Variants in IL10RA observed in about 807,000 individuals in gnomAD.
IL10RA encodes the protein interleukin 10 receptor subunit alpha.
IL10RA carries 18 observed loss-of-function variants against 29.6 expected under a neutral mutation model. That is an observed-to-expected ratio of 0.61 (90% confidence interval 0.42 to 0.90). The LOEUF is 0.90. Ranked by LOEUF, IL10RA falls within the 40% of genes least tolerant of loss-of-function variation. IL10RA has a pLI of 0.00. For synonymous variants in IL10RA, 292 were observed against 294.1 expected (o/e 0.99, Z 0.07); for missense variants, 634 against 716.6 (o/e 0.88, Z 1.32).
chr11:117,986,549 C>T lies in IL10RA; in HGVS notation c.67+15C>T, dbSNP rs886047708. The T allele has an allele frequency of 6.4e-5, 99 of 1,551,664 alleles. 2 individuals are homozygous for T. The highest frequency in any genetic ancestry group is 8.2e-5 in the Non-Finnish European group (94 of 1,147,298). ...AGACGCTCATGGTAAGGCTCCGGGA[C>T]GCGGCCCTTCCCTGCCCTGCCCTCT... On this transcript the variant is annotated intron_variant, in intron 1 of 6. Coordinates refer to ENST00000227752, the MANE Select transcript of IL10RA (RefSeq NM_001558.4).
intron 6 of IL10RA, among the ~76,000 whole-genome samples, chr11:117,998,227 A>G (rs1248647108): frequency 6.6e-6 from 1 of 152,254 alleles, no homozygotes; most frequent in Non-Finnish European, 1.5e-5. Flanking sequence ...CTGGGATACA[A>G]TAGAATAAGA....
In IL10RA at chr11:117,989,518, G is replaced by C. The variant is rs1348770467; in HGVS notation, c.265G>C (p.Asp89His). The C allele has an allele frequency of 1.2e-6, 2 of 1,614,154 alleles. No individual in the cohort carries two copies. The highest frequency in any genetic ancestry group is 2.2e-5 in the South Asian group (2 of 91,088). The change falls in exon 3 of 7, where the codon GAC (aspartate) becomes CAC (histidine). Residue 89 changes from aspartate (D) to histidine (H), a missense_variant. Transcript: ENST00000227752. This position sits in a 1 kb window ranked among gnomAD's most constrained non-coding sequence, Gnocchi z 4.5. ...LSYDLTAVTL[D>H]LYHSNGYRAR... is the part of the protein sequence containing the mutation. ...CTATGACCTTACCGCAGTGACCTTGGACCTGTACCACAGCAATGGCTACCG... is the reference window on the plus strand; with the variant it reads ...CTATGACCTTACCGCAGTGACCTTGCACCTGTACCACAGCAATGGCTACCG...
At position 117,999,475 on chromosome 11, in the gene IL10RA, C is replaced by T. The variant is rs2058079403; in HGVS notation, c.1571C>T (p.Ser524Leu). ...GQWNQPTEEW[S>L]LLALSSCSDL... is the part of the protein sequence containing the mutation. ...TGGAACCAGCCCACTGAGGAATGGT[C>T]ACTCCTGGCCTTGAGCAGCTGCAGT... Residue 524 changes from serine to leucine, a missense_variant, in exon 7 of 7, where the codon TCA (serine) becomes TTA (leucine). Coordinates refer to ENST00000227752, the MANE Select transcript of IL10RA (RefSeq NM_001558.4). 4 of 1,614,200 alleles carry T rather than the reference C, an allele frequency of 2.5e-6. No individual in the cohort carries two copies. The highest frequency in any genetic ancestry group is 1.3e-5 in the African/African-American group (1 of 75,068).
chr11:117,988,069 C>T (rs1420038396), intron 1 of IL10RA: 1 of 426,028 alleles, frequency 2.3e-6, no homozygotes, highest in Admixed American at 3.5e-5. Context: ...ACTAACACAT[C>T]TGAGAGCTCA....
Position 118,000,274 on chromosome 11 carries a change from G to A in IL10RA, c.*633G>A. 1 of 454,226 alleles carries A rather than the reference G, an allele frequency of 2.2e-6. No homozygotes were observed. The highest frequency in any genetic ancestry group is 4.4e-6 in the Non-Finnish European group (1 of 226,790). 28.1% of individuals were successfully genotyped at this position (454,226 alleles called of 1,614,324 possible). A position where few individuals can be genotyped will look rare whatever the true frequency, so the allele number is the denominator to read the frequency against. ...AATGGATTCACTGAGGGGAGACAAA[G>A]GGAGCCGAGACCCTGGATGGGGCTT... On this transcript the variant is annotated 3_prime_UTR_variant, in exon 7 of 7. Coordinates refer to ENST00000227752, the MANE Select transcript of IL10RA (RefSeq NM_001558.4).
Position 117,999,723 on chromosome 11 carries a change from T to C in IL10RA, c.*82T>C, listed in dbSNP as rs552847009. On this transcript the variant is annotated 3_prime_UTR_variant, in exon 7 of 7. Transcript: ENST00000227752. ...GGAGGAGGGCCCCTGGGGCAGAAGT[T>C]AGGCACGAGGCAGTCTGGGCACTTT... 1 of 1,300,214 alleles carries C rather than the reference T, an allele frequency of 7.7e-7. No individual in the cohort carries two copies. Among genetic ancestry groups the C allele is most frequent in the African/African-American group, 1.5e-5 (1 of 68,806 alleles). 80.5% of individuals were successfully genotyped at this position (1,300,214 alleles called of 1,614,324 possible).
At chr11:117,986,809 G>A (rs2057989796) in intron 1 of IL10RA, 18 of 1,514,266 alleles carry the variant, frequency 1.2e-5, no homozygotes, top group Non-Finnish European at 1.4e-5. Flanking sequence ...ACTTCTAGAT[G>A]AGCCGTAAGT....
chr11:117,986,977 C>A, intron 1 of IL10RA: 3 of 569,280 alleles, frequency 5.3e-6, no homozygotes, highest in Non-Finnish European at 8.8e-6. Context: ...CACTGATCAC[C>A]CCGATCTGAT....
chr11:117,999,541 C>T lies in IL10RA; in HGVS notation c.1637C>T (p.Ala546Val). Residue 546 changes from alanine to valine, a missense_variant, in exon 7 of 7, where the codon GCC becomes GTC. Ala to Val is a moderately conservative substitution (Grantham distance 64, BLOSUM62 0). Coordinates refer to ENST00000227752, the MANE Select transcript of IL10RA (RefSeq NM_001558.4). ...GACTGGAGCTTTGCCCATGACCTTG[C>T]CCCTCTAGGCTGTGTGGCAGCCCCA... ...ISDWSFAHDLAPLGCVAAPGG... is the reference protein window; with the variant it reads ...ISDWSFAHDLVPLGCVAAPGG... 1 of 1,614,184 alleles carries T rather than the reference C, an allele frequency of 6.2e-7. No homozygotes were observed. Among genetic ancestry groups the T allele is most frequent in the Non-Finnish European group, 8.5e-7 (1 of 1,180,024 alleles).
chr11:117,993,947 C>G, intron 4 of IL10RA, 52 bp from the exon 5 acceptor site: 1 of 1,532,264 alleles, frequency 6.5e-7, no homozygotes, highest in Non-Finnish European at 9.0e-7. Flanking sequence ...TCTCAGTGTC[C>G]GTGTGCCATG....
chr11:117,995,828 G>T (rs2058052418), intron 6 of IL10RA, 118 bp downstream of exon 6: 3 of 1,086,986 alleles, frequency 2.8e-6, no homozygotes, highest in Non-Finnish European at 4.1e-6. Flanking sequence ...TCTGCTCTCA[G>T]CCCTGATGTG....
chr11:117,992,417 G>A (rs1298902106), intron 3 of IL10RA, among the ~76,000 whole-genome samples: 4 of 151,992 alleles, frequency 2.6e-5, no homozygotes, highest in Non-Finnish European at 5.9e-5. Flanking sequence ...ATCTCATTGT[G>A]GTTTTAATTT....
intron 3 of IL10RA, among the ~76,000 whole-genome samples, chr11:117,990,325 T>A (rs932621026): frequency 6.6e-6 from 1 of 150,834 alleles, no homozygotes; most frequent in Non-Finnish European, 1.5e-5. Flanking sequence ...AGACCAACTG[T>A]GTCTTGAATG....
chr11:117,986,929 A>G (rs1392287213), intron 1 of IL10RA: 1 of 932,824 alleles, frequency 1.1e-6, no homozygotes, highest in Admixed American at 2.3e-5. Context: ...TCTTCAACTA[A>G]CCTCTGTCTG....
rs146577087 is a variant in IL10RA, at chr11:117,993,766, T to G, written c.538-233T>G. Among the ~76,000 whole-genome samples the G allele has an allele frequency of 5.8e-4, 88 of 152,344 alleles. 1 individual carries two copies. The East Asian group carries it at 7.7e-3, about 13-fold the overall frequency. On this transcript the variant is annotated intron_variant, in intron 4 of 6. Coordinates refer to ENST00000227752, the MANE Select transcript of IL10RA (RefSeq NM_001558.4). ...CTCCACCACTGTTGATTCCAGCCCC[T>G]TCTGGGAAGATCTTCAGCATCTATA...
In IL10RA at chr11:117,989,707, T is replaced by G. The variant is rs1591261781; in HGVS notation, c.367+87T>G. ...TCTAGAGCTTTTCTGTCTATTACCA[T>G]AGCTCACCATGTCTGCCAGCCTCCC... On this transcript the variant is annotated intron_variant, in intron 3 of 6. Transcript: ENST00000227752. The surrounding 1 kb of genome is among the most constrained non-coding windows in gnomAD (Gnocchi z 4.5). The G allele has an allele frequency of 7.5e-6, 10 of 1,330,656 alleles. 1 individual carries two copies. The Admixed American group carries it at 1.9e-4, about 25-fold the overall frequency. 82.4% of individuals were successfully genotyped at this position (1,330,656 alleles called of 1,614,324 possible).
downstream of IL10RA, chr11:118,001,669 A>T (rs2058096688): frequency 3.1e-6 from 1 of 318,130 alleles, no homozygotes; most frequent in Non-Finnish European, 6.2e-6. Context: ...CCTTGGGCCC[A>T]TTACTTATCC....
At position 118,000,987 on chromosome 11, in the gene IL10RA, C is replaced by G; in HGVS notation, c.*1346C>G. 2.2e-6 allele frequency: 1 copy of G among 454,248 alleles called. No individual in the cohort carries two copies. The highest frequency in any genetic ancestry group is 4.4e-6 in the Non-Finnish European group (1 of 226,796). The allele number at this position is 454,248 out of a possible 1,614,324, so 28.1% of individuals were successfully genotyped here. On this transcript the variant is annotated 3_prime_UTR_variant, in exon 7 of 7. Coordinates refer to ENST00000227752, the MANE Select transcript of IL10RA (RefSeq NM_001558.4). ...GCATGGAAGCTGTGAGGGGACAGGC[C>G]TGTGCGTGCCATCCAGAGTCATCTC...
chr11:118,000,160 G>A lies in IL10RA; in HGVS notation c.*519G>A. 2.2e-6 allele frequency: 1 copy of A among 454,420 alleles called. No homozygotes were observed. The allele number at this position is 454,420 out of a possible 1,614,324, so 28.1% of individuals were successfully genotyped here. A position where few individuals can be genotyped will look rare whatever the true frequency, so the allele number is the denominator to read the frequency against. On this transcript the variant is annotated 3_prime_UTR_variant, in exon 7 of 7. Coordinates refer to ENST00000227752, the MANE Select transcript of IL10RA (RefSeq NM_001558.4). ...AAAGGAGGATATGATGGTCACATGGGGAACCTCCCCTCATCGGGCCTCTGG... is the reference window on the plus strand; with the variant it reads ...AAAGGAGGATATGATGGTCACATGGAGAACCTCCCCTCATCGGGCCTCTGG...
Sources: gnomAD v4.1 joint callset for allele counts (sites outside exome capture counted in the v4.1 genomes callset) on GRCh38, gnomAD v4.1.1 for gene constraint, Gnocchi (gnomAD v3.1) non-coding constraint, MANE v1.5 for transcripts, NCBI Gene and HGNC (gene_info 2026-07-23, HGNC 2026-07-21) for gene names.